ADRA1D: variants seen among roughly 807,000 people sequenced by gnomAD.
ADRA1D encodes the protein adrenoceptor alpha 1D.
In ADRA1D, 22 loss-of-function variants were observed where a neutral mutation model predicts 18.6. The ratio of observed to expected loss-of-function variants is 1.19; its 90% CI spans 0.85 to 1.69. ADRA1D has a LOEUF of 1.69. Among genes scored for constraint, ADRA1D ranks in the 40% most tolerant of loss-of-function variants. The pLI, the probability that ADRA1D is intolerant of heterozygous loss-of-function variation, is 0.00. For synonymous variants in ADRA1D, 376 were observed against 388.2 expected (o/e 0.97, Z 0.37); for missense variants, 840 against 840.7 (o/e 1.00, Z 0.01).
chr20:4,223,358 C>T lies in ADRA1D; in HGVS notation c.1112-1228G>A, dbSNP rs188007885. On this transcript the variant is annotated intron_variant, in intron 1 of 1. Coordinates refer to ENST00000379453, the MANE Select transcript of ADRA1D (RefSeq NM_000678.4). Reference sequence around the variant, plus strand: ...GTATTTTGTTTTATGCTTTTGAAAGCGTGACTCTGAGAAGGGACCCATACG... The same window carrying T: ...GTATTTTGTTTTATGCTTTTGAAAGTGTGACTCTGAGAAGGGACCCATACG... Among the ~76,000 whole-genome samples, 215 of 152,198 alleles carry T rather than the reference C, an allele frequency of 1.4e-3. 1 individual carries two copies. The highest frequency in any genetic ancestry group is 3.4e-3 in the Middle Eastern group (1 of 294).
At chr20:4,242,672 C>T (rs1981241165) in intron 1 of ADRA1D, among the ~76,000 whole-genome samples, 1 of 152,082 alleles carries the variant, frequency 6.6e-6, no homozygotes, top group African/African-American at 2.4e-5. Flanking sequence ...AGAGCCTCTG[C>T]CCAGCTTGTA....
At chr20:4,238,381 G>T (rs1010098236) in intron 1 of ADRA1D, among the ~76,000 whole-genome samples, 15 of 152,292 alleles carry the variant, frequency 9.8e-5, no homozygotes, top group African/African-American at 2.9e-4. Flanking sequence ...AGTGCTAAGT[G>T]GGGGAAGGCT....
Position 4,248,470 on chromosome 20 carries a change from G to C in ADRA1D, c.488C>G (p.Ala163Gly). Residue 163 changes from alanine to glycine, a missense_variant, in exon 1 of 2, where the codon GCC becomes GGC. Transcript: ENST00000379453. ...SATMEVLGFW[A>G]FGRAFCDVWA... is the part of the protein sequence containing the mutation. ...TACGTCGCAGAAGGCGCGGCCAAAG[G>C]CCCAGAAGCCCAGAACCTCCATGGT... 1 of 1,613,168 alleles carries C rather than the reference G, an allele frequency of 6.2e-7. No homozygotes were observed. Among genetic ancestry groups the C allele is most frequent in the Middle Eastern group, 1.7e-4 (1 of 6,060 alleles).
Position 4,240,120 on chromosome 20 carries a change from AGAGG to A in ADRA1D, c.1111+7723_1111+7726del, listed in dbSNP as rs541375351. On this transcript the variant is annotated intron_variant, in intron 1 of 1. Transcript: ENST00000379453. ...TCTGCACCCAGGAAGTACAGGGAAC[AGAGG>A]GACACATTAAATGGCACTGTGGAGA... Among the ~76,000 whole-genome samples the A allele has an allele frequency of 2.9e-3, 445 of 152,366 alleles. 4 individuals are homozygous for A. The highest frequency in any genetic ancestry group is 0.01 in the African/African-American group (420 of 41,588).
At chr20:4,225,084 C>T (rs1363827816) in intron 1 of ADRA1D, among the ~76,000 whole-genome samples, 1 of 150,404 alleles carries the variant, frequency 6.6e-6, no homozygotes, top group African/African-American at 2.4e-5. Context: ...TCACTGCAAC[C>T]TCTTCCTCCT....
At chr20:4,235,192 C>T (rs1031745473) in intron 1 of ADRA1D, among the ~76,000 whole-genome samples, 7 of 152,122 alleles carry the variant, frequency 4.6e-5, no homozygotes, top group Non-Finnish European at 7.4e-5. Context: ...TCTGTGCCCT[C>T]GTGTTTGCTT....
intron 1 of ADRA1D, among the ~76,000 whole-genome samples, chr20:4,229,104 T>A (rs528464582): frequency 5.3e-4 from 81 of 152,310 alleles, no homozygotes; most frequent in Non-Finnish European, 9.8e-4. Flanking sequence ...CTTCCTCACA[T>A]CCTCACTGCT....
chr20:4,242,707 G>T (rs915637181), intron 1 of ADRA1D, among the ~76,000 whole-genome samples: 1 of 152,160 alleles, frequency 6.6e-6, no homozygotes, highest in Non-Finnish European at 1.5e-5. Context: ...TTTGAGGGGG[G>T]CCCTGGGCTC....
Position 4,247,872 on chromosome 20 carries a change from G to C in ADRA1D, c.1086C>G (p.Phe362Leu), listed in dbSNP as rs776850930. Reference sequence around the variant, plus strand: ...CGAGCGGCAGGACAAAGAAGAAAGGGAACCAGCAGAGCACGAAGACACCCA... The same window carrying C: ...CGAGCGGCAGGACAAAGAAGAAAGGCAACCAGCAGAGCACGAAGACACCCA... ...IVVGVFVLCW[F>L]PFFFVLPLGS... Residue 362 changes from phenylalanine to leucine, a missense_variant, in exon 1 of 2, where the codon TTC becomes TTG. Coordinates refer to ENST00000379453, the MANE Select transcript of ADRA1D (RefSeq NM_000678.4). The C allele has an allele frequency of 6.4e-7, 1 of 1,572,762 alleles. No homozygotes were observed. Among genetic ancestry groups the C allele is most frequent in the Admixed American group, 1.9e-5 (1 of 53,194 alleles).
rs998304603 is a variant in ADRA1D, at chr20:4,239,210, AG to A, written c.1111+8636del. On this transcript the variant is annotated intron_variant, in intron 1 of 1. Transcript: ENST00000379453. The surrounding 1 kb of genome is among the most constrained non-coding windows in gnomAD (Gnocchi z 4.9). ...GTGGAGTCACACTGATGACCAGGGT[AG>A]GGGTGGGAGTGAGGAAAAAACAGTG... Among the ~76,000 whole-genome samples the A allele has an allele frequency of 2.0e-5, 3 of 152,060 alleles. No homozygotes were observed. Among genetic ancestry groups the A allele is most frequent in the Non-Finnish European group, 4.4e-5 (3 of 68,012 alleles).
Position 4,221,765 on chromosome 20 carries a change from C to CGCT in ADRA1D, c.1474_1476dup (p.Ser492dup), listed in dbSNP as rs1173776763. 6.3e-6 allele frequency: 10 copies of CGCT among 1,591,636 alleles called. No individual in the cohort carries two copies. The highest frequency in any genetic ancestry group is 8.5e-6 in the Non-Finnish European group (10 of 1,172,162). ...CCCAGCAGCCTCCACTCGCGGAAGG[C>CGCT]GCTGGGTGGCTTTCGACGGCTGGCG... On this transcript the variant is annotated inframe_insertion, in exon 2 of 2. Coordinates refer to ENST00000379453, the MANE Select transcript of ADRA1D (RefSeq NM_000678.4).
intron 1 of ADRA1D, among the ~76,000 whole-genome samples, chr20:4,228,865 C>T (rs1171277671): frequency 6.6e-6 from 1 of 152,224 alleles, no homozygotes; most frequent in Non-Finnish European, 1.5e-5. Context: ...TTTGCTGGCT[C>T]CCTGGCCACC....
chr20:4,247,367 C>T (rs748660248), intron 1 of ADRA1D, among the ~76,000 whole-genome samples: 7 of 152,176 alleles, frequency 4.6e-5, no homozygotes, highest in African/African-American at 9.7e-5. Flanking sequence ...AGCTTCCAAA[C>T]TGAATGAGTG....
chr20:4,225,149 G>T (rs1026499138), intron 1 of ADRA1D, among the ~76,000 whole-genome samples: 1 of 151,480 alleles, frequency 6.6e-6, no homozygotes, highest in Non-Finnish European at 1.5e-5. Flanking sequence ...CTACAGGCAC[G>T]CACCACCATG....
chr20:4,222,133 G>A lies in ADRA1D; in HGVS notation c.1112-3C>T. The stretch of plus-strand genomic sequence containing the variant: ...CTTCAGCTGCGGGAACAAGGAGCCT[G>A]TAGGGAGCAGAGACCGATACTATTT... On this transcript the variant is annotated splice_region_variant and splice_polypyrimidine_tract_variant and intron_variant, in intron 1 of 1. Coordinates refer to ENST00000379453, the MANE Select transcript of ADRA1D (RefSeq NM_000678.4). The surrounding 1 kb of genome is among the most constrained non-coding windows in gnomAD (Gnocchi z 4.3). The A allele has an allele frequency of 6.2e-7, 1 of 1,611,984 alleles. No homozygotes were observed. The highest frequency in any genetic ancestry group is 8.5e-7 in the Non-Finnish European group (1 of 1,179,172).
In ADRA1D at chr20:4,248,000, C is replaced by G; in HGVS notation, c.958G>C (p.Gly320Arg). ...GAATGADGAH[G>R]MRSAKGHTFR... ...GTGTGGCCCTTGGCGCTGCGCATGCCGTGCGCCCCGTCGGCGCCCGTGGCC... is the reference window on the plus strand; with the variant it reads ...GTGTGGCCCTTGGCGCTGCGCATGCGGTGCGCCCCGTCGGCGCCCGTGGCC... The change falls in exon 1 of 2, where the codon GGC (glycine) becomes CGC (arginine). Residue 320 changes from glycine (G) to arginine (R), a missense_variant. By Grantham distance (125) the Gly-to-Arg change is moderately radical (BLOSUM62 -2). Transcript: ENST00000379453. The G allele has an allele frequency of 2.6e-6, 4 of 1,561,872 alleles. No homozygotes were observed. Among genetic ancestry groups the G allele is most frequent in the Non-Finnish European group, 3.5e-6 (4 of 1,154,472 alleles).
At chr20:4,233,325 G>A (rs1011771108) in intron 1 of ADRA1D, among the ~76,000 whole-genome samples, 1 of 151,934 alleles carries the variant, frequency 6.6e-6, no homozygotes, top group Non-Finnish European at 1.5e-5. Context: ...GCCAGGTGTG[G>A]TGGTGCACAC....
intron 1 of ADRA1D, among the ~76,000 whole-genome samples, chr20:4,245,682 G>A (rs545040127): frequency 7.2e-5 from 11 of 152,194 alleles, no homozygotes; most frequent in African/African-American, 1.9e-4. Flanking sequence ...CAGGTTGGGC[G>A]TTCCCTACAG....
In ADRA1D at chr20:4,248,358, G is replaced by C. The variant is rs1271088905; in HGVS notation, c.600C>G (p.His200Gln). The change falls in exon 1 of 2, where the codon CAC (histidine) becomes CAG (glutamine). Residue 200 changes from histidine (H) to glutamine (Q), a missense_variant. His to Gln is a conservative substitution (Grantham distance 24). Transcript: ENST00000379453. Reference sequence around the variant, plus strand: ...TCATGATGGCTGGGTACTTGAGTGAGTGGCGCACGCCCACGTACCGGTCCA... The same window carrying C: ...TCATGATGGCTGGGTACTTGAGTGACTGGCGCACGCCCACGTACCGGTCCA... ...ISVDRYVGVR[H>Q]SLKYPAIMTE... 1.9e-6 allele frequency: 3 copies of C among 1,607,022 alleles called. No homozygotes were observed. The highest frequency in any genetic ancestry group is 1.7e-4 in the Middle Eastern group (1 of 6,056).
Sources: gnomAD v4.1 joint callset for allele counts (sites outside exome capture counted in the v4.1 genomes callset) on GRCh38, gnomAD v4.1.1 for gene constraint, Gnocchi (gnomAD v3.1) non-coding constraint, MANE v1.5 for transcripts, NCBI Gene and HGNC (gene_info 2026-07-23, HGNC 2026-07-21) for gene names.